Variants in MSR1 observed in about 807,000 individuals in gnomAD.
The protein encoded by MSR1 is macrophage scavenger receptor 1.
A neutral mutation model predicts 47.2 loss-of-function variants in MSR1; 53 were observed. The observed-to-expected ratio is 1.12, with a 90% CI of 0.90 to 1.41. The LOEUF is 1.41. Among genes scored for constraint, MSR1 ranks in the 40% most tolerant of loss-of-function variants. The probability of loss-of-function intolerance (pLI) is 0.00; values close to 1 mark genes in which losing one functional copy is unlikely to be tolerated. For missense variants in MSR1, 786 were observed against 546.9 expected, an observed-to-expected ratio of 1.44 and a Z score of -4.36; for synonymous variants, 239 against 185.6, an observed-to-expected ratio of 1.29 and a Z score of -2.34.
chr8:16,115,677 G>A (rs542292437), intron 9 of MSR1, among the ~76,000 whole-genome samples: 1 of 152,126 alleles, frequency 6.6e-6, no homozygotes, highest in South Asian at 2.1e-4. Context: ...CGCAGGGAGT[G>A]GAAACAACAG....
chr8:16,155,233 C>G lies in MSR1; in HGVS notation c.818-89G>C, dbSNP rs34820840. The G allele has an allele frequency of 3.0e-4, 267 of 896,794 alleles. 2 individuals are homozygous for G. In the African/African-American group the frequency reaches 4.1e-3, roughly 14 times the overall value. 55.6% of individuals were successfully genotyped at this position (896,794 alleles called of 1,614,324 possible). A position where few individuals can be genotyped will look rare whatever the true frequency, so the allele number is the denominator to read the frequency against. On this transcript the variant is annotated intron_variant, in intron 5 of 9. Transcript: ENST00000262101. ...GTCAAGGTACTTATATAAGGAAATC[C>G]AAAGTCTTCTATTTGTTGTGCAATA...
intron 9 of MSR1, among the ~76,000 whole-genome samples, chr8:16,117,071 A>G (rs1014306185): frequency 4.6e-5 from 7 of 152,140 alleles, no homozygotes; most frequent in Non-Finnish European, 5.9e-5. Context: ...CCCACAGACC[A>G]TGGACCAATA....
intron 2 of MSR1, among the ~76,000 whole-genome samples, chr8:16,175,978 A>G (rs958615665): frequency 7.9e-5 from 12 of 152,318 alleles, no homozygotes; most frequent in Admixed American, 7.2e-4. Context: ...ATATAATGGG[A>G]TATTAATTGT....
chr8:16,163,901 T>A (rs1176060926), intron 5 of MSR1, among the ~76,000 whole-genome samples, 164 bp downstream of exon 5: 4 of 151,962 alleles, frequency 2.6e-5, no homozygotes, highest in Admixed American at 2.6e-4. Flanking sequence ...TATCGTACCC[T>A]GTCTTTATCT....
chr8:16,109,927 A>G lies in MSR1; in HGVS notation c.*158T>C, dbSNP rs373586875. 196 of 785,270 alleles carry G rather than the reference A, an allele frequency of 2.5e-4. No individual in the cohort carries two copies. In the South Asian group the frequency reaches 3.1e-3, roughly 13 times the overall value. The allele number at this position is 785,270 out of a possible 1,614,324, so 48.6% of individuals were successfully genotyped here. A position where few individuals can be genotyped will look rare whatever the true frequency, so the allele number is the denominator to read the frequency against. ...ATTTAAATATAGACATAAAATAGTA[A>G]GCATGAAGGTGTTCAATATATTAAT... On this transcript the variant is annotated 3_prime_UTR_variant, in exon 10 of 10. Coordinates refer to ENST00000262101, the MANE Select transcript of MSR1 (RefSeq NM_138715.3).
chr8:16,114,656 G>C (rs1053608426), intron 9 of MSR1, among the ~76,000 whole-genome samples: 1 of 151,950 alleles, frequency 6.6e-6, no homozygotes, highest in Admixed American at 6.6e-5. Flanking sequence ...GTTTTGTCTA[G>C]TCAGAAAAAA....
At chr8:16,123,038 G>A (rs968087916) in intron 8 of MSR1, among the ~76,000 whole-genome samples, 2 of 151,588 alleles carry the variant, frequency 1.3e-5, no homozygotes, top group African/African-American at 4.8e-5. Context: ...GTACAGACGG[G>A]GTTTCACCGT....
chr8:16,170,258 G>A (rs1801443218), intron 3 of MSR1, among the ~76,000 whole-genome samples: 1 of 151,704 alleles, frequency 6.6e-6, no homozygotes, highest in African/African-American at 2.4e-5. Flanking sequence ...TGAGGCAGGA[G>A]AATCACTTGA....
In MSR1 at chr8:16,164,114, C is replaced by G; in HGVS notation, c.768G>C (p.Leu256=). 3 of 1,610,912 alleles carry G rather than the reference C, an allele frequency of 1.9e-6. No homozygotes were observed. Among genetic ancestry groups the G allele is most frequent in the Non-Finnish European group, 2.5e-6 (3 of 1,178,010 alleles). Reference sequence around the variant, plus strand: ...AGGTCTGAGAATGTTCCCAATCTTTCAGTCTGAGATCATTAGTGATGTTAT... The same window carrying G: ...AGGTCTGAGAATGTTCCCAATCTTTGAGTCTGAGATCATTAGTGATGTTAT... The part of the protein sequence containing the change: ...VLNNITNDLR[L]KDWEHSQTLR... Residue 256 remains leucine (L), a synonymous_variant, in exon 5 of 10, where the codon CTG becomes CTC. Coordinates refer to ENST00000262101, the MANE Select transcript of MSR1 (RefSeq NM_138715.3).
At chr8:16,178,468 T>C (rs890407768) in intron 1 of MSR1, among the ~76,000 whole-genome samples, 22 of 152,332 alleles carry the variant, frequency 1.4e-4, no homozygotes, top group African/African-American at 5.1e-4. Flanking sequence ...TACTCCACGG[T>C]GTACATGTGC....
intron 8 of MSR1, among the ~76,000 whole-genome samples, chr8:16,123,133 C>G (rs559391588): frequency 4.6e-5 from 7 of 152,106 alleles, no homozygotes; most frequent in African/African-American, 1.7e-4. Context: ...GCATAAGCCA[C>G]GGCACCCGGC....
At chr8:16,180,811 C>A (rs768642415) in intron 1 of MSR1, among the ~76,000 whole-genome samples, 2 of 152,066 alleles carry the variant, frequency 1.3e-5, no homozygotes, top group South Asian at 2.1e-4. Context: ...CAGTGACAGT[C>A]GTTGCATATT....
At chr8:16,147,858 C>T (rs1157153148) in intron 7 of MSR1, among the ~76,000 whole-genome samples, 1 of 152,094 alleles carries the variant, frequency 6.6e-6, no homozygotes, top group Non-Finnish European at 1.5e-5. Context: ...TCTTTCTGCA[C>T]TGTTTTTTTC....
At chr8:16,191,717 T>C (rs1035019841) in intron 1 of MSR1, among the ~76,000 whole-genome samples, 15 of 152,138 alleles carry the variant, frequency 9.9e-5, no homozygotes, top group Non-Finnish European at 2.1e-4. Context: ...ACCCACTGCA[T>C]AAAACGGCTA....
At chr8:16,177,337 A>G (rs1291337229) in intron 2 of MSR1, among the ~76,000 whole-genome samples, 1 of 151,924 alleles carries the variant, frequency 6.6e-6, no homozygotes, top group Non-Finnish European at 1.5e-5. Flanking sequence ...CAGAGAGAAG[A>G]CCATACGAAG....
chr8:16,150,882 ACACATG>A (rs1432318932), intron 6 of MSR1, among the ~76,000 whole-genome samples: 2 of 151,486 alleles, frequency 1.3e-5, no homozygotes, highest in East Asian at 1.9e-4. Context: ...ACACACACAC[ACACATG>A]CGATACACAG....
chr8:16,142,241 G>C (rs910305673), intron 8 of MSR1, among the ~76,000 whole-genome samples: 1 of 152,038 alleles, frequency 6.6e-6, no homozygotes, highest in African/African-American at 2.4e-5. Flanking sequence ...GGTGGGAGAA[G>C]AATCATTTCA....
At chr8:16,158,971 C>G (rs115332389) in intron 5 of MSR1, among the ~76,000 whole-genome samples, 2 of 118,502 alleles carry the variant, frequency 1.7e-5, no homozygotes, top group African/African-American at 6.3e-5. Flanking sequence ...GGTCTTGCTA[C>G]TTTGCCTAGG....
At chr8:16,115,469 G>C (rs902580716) in intron 9 of MSR1, among the ~76,000 whole-genome samples, 1 of 152,080 alleles carries the variant, frequency 6.6e-6, no homozygotes, top group Non-Finnish European at 1.5e-5. Flanking sequence ...CGTTTGCCAT[G>C]TCTAATCCCC....
Sources: allele counts gnomAD v4.1 joint callset (sites outside exome capture counted in the v4.1 genomes callset), GRCh38; gene constraint gnomAD v4.1.1; transcripts MANE v1.5; gene names NCBI Gene and HGNC (gene_info 2026-07-23, HGNC 2026-07-21).